ARMC2: variants seen among roughly 807,000 people sequenced by gnomAD.
ARMC2 encodes the protein armadillo repeat containing 2, also known as armadillo repeat-containing protein 2.
A neutral mutation model predicts 90.3 loss-of-function variants in ARMC2; 67 were observed. The ratio of observed to expected loss-of-function variants is 0.74; its 90% CI spans 0.61 to 0.91. The LOEUF is 0.91. ARMC2 is among the 40% of genes least tolerant of loss of function. The probability of loss-of-function intolerance (pLI) is 0.00; values close to 1 mark genes in which losing one functional copy is unlikely to be tolerated. For missense variants in ARMC2, 920 were observed against 1,030.9 expected (o/e 0.89, Z 1.47); for synonymous variants, 393 against 393.0 (o/e 1.00, Z 0.00).
intron 12 of ARMC2, among the ~76,000 whole-genome samples, chr6:108,951,976 G>A (rs1490587210): frequency 6.6e-6 from 1 of 152,224 alleles, no homozygotes; most frequent in Non-Finnish European, 1.5e-5. Flanking sequence ...CTAGAGTCTG[G>A]GTCACCCTGG....
At chr6:108,982,882 G>A in the ARMC2 span, among the ~76,000 whole-genome samples, 3 of 149,250 alleles carry the variant, frequency 2.0e-5, no homozygotes, top group Admixed American at 6.7e-5. Flanking sequence ...GTACGGTGGC[G>A]CGATCTCAGC....
In ARMC2 at chr6:108,962,132, G is replaced by A. The variant is rs779735721; in HGVS notation, c.2152+5G>A. ...ATTTCATTGTGCAGAACAATGGTGAGTTAATAACACTAGAATTCATAAACA... is the reference window on the plus strand; with the variant it reads ...ATTTCATTGTGCAGAACAATGGTGAATTAATAACACTAGAATTCATAAACA... On this transcript the variant is annotated splice_donor_5th_base_variant and intron_variant, in intron 15 of 17. Transcript: ENST00000392644. 11 of 1,585,254 alleles carry A rather than the reference G, an allele frequency of 6.9e-6. No individual in the cohort carries two copies. In the South Asian group the frequency reaches 9.1e-5, roughly 13 times the overall value.
At chr6:108,977,318 T>G (rs141861651), downstream of ARMC2, among the ~76,000 whole-genome samples, 83 of 152,378 alleles carry the variant, frequency 5.4e-4, 1 homozygote, top group African/African-American at 1.9e-3. Context: ...TTGCGTATGT[T>G]GAACCAGCCT....
chr6:109,052,836 A>G, the ARMC2 span, among the ~76,000 whole-genome samples: 1 of 152,178 alleles, frequency 6.6e-6, no homozygotes, highest in Non-Finnish European at 1.5e-5. Context: ...CACTCGACAA[A>G]TATTTATTGT....
intron 5 of ARMC2, among the ~76,000 whole-genome samples, chr6:108,889,645 G>A (rs1770748219): frequency 6.6e-6 from 1 of 151,284 alleles, no homozygotes; most frequent in African/African-American, 2.4e-5. Flanking sequence ...TTGCCATATT[G>A]CCCAGGCTGG....
At chr6:108,867,974 T>C (rs1775998521) in intron 3 of ARMC2, among the ~76,000 whole-genome samples, 1 of 152,024 alleles carries the variant, frequency 6.6e-6, no homozygotes, top group Non-Finnish European at 1.5e-5. Flanking sequence ...ACAAAACACT[T>C]TCATAAGTCC....
chr6:108,991,228 AGTGTGTGT>A, the ARMC2 span, among the ~76,000 whole-genome samples: 19 of 148,148 alleles, frequency 1.3e-4, no homozygotes, highest in African/African-American at 4.4e-4. Context: ...TCAAATTATG[AGTGTGTGT>A]GTGTGTGTGT....
downstream of ARMC2, among the ~76,000 whole-genome samples, chr6:108,975,424 AT>A (rs1201710398): frequency 1.3e-5 from 2 of 152,206 alleles, no homozygotes; most frequent in African/African-American, 4.8e-5. Flanking sequence ...ATTTGGGTTG[AT>A]TCCAAGTCTT....
intron 6 of ARMC2, among the ~76,000 whole-genome samples, chr6:108,897,976 G>T (rs1318994175): frequency 6.6e-6 from 1 of 152,134 alleles, no homozygotes; most frequent in Non-Finnish European, 1.5e-5. Context: ...AGAATAATAA[G>T]AATGCATTAG....
the ARMC2 span, chr6:109,002,473 G>A: frequency 7.7e-5 from 51 of 664,414 alleles, no homozygotes; most frequent in Non-Finnish European, 1.2e-4. Context: ...TTTCATGGCT[G>A]TATATACATA....
chr6:108,994,668 CT>C, the ARMC2 span: 1 of 671,690 alleles, frequency 1.5e-6, no homozygotes, highest in Non-Finnish European at 2.3e-6. Flanking sequence ...TATGAATTAT[CT>C]TTTAAGTCTG....
chr6:109,040,801 C>T, the ARMC2 span, among the ~76,000 whole-genome samples: 1 of 151,556 alleles, frequency 6.6e-6, no homozygotes, highest in East Asian at 2.0e-4. Flanking sequence ...TACAGGTGCA[C>T]GCGACCACGC....
chr6:109,015,923 A>G, the ARMC2 span, among the ~76,000 whole-genome samples: 1 of 152,334 alleles, frequency 6.6e-6, no homozygotes, highest in South Asian at 2.1e-4. Flanking sequence ...TAGTGCTTCT[A>G]TTTGTGCACA....
intron 10 of ARMC2, among the ~76,000 whole-genome samples, chr6:108,914,968 T>C (rs553051923): frequency 6.6e-6 from 1 of 152,100 alleles, no homozygotes; most frequent in South Asian, 2.1e-4. Flanking sequence ...TTTTTTCTTT[T>C]TGAGACAGAG....
chr6:109,029,133 T>C, the ARMC2 span, among the ~76,000 whole-genome samples: 7 of 152,296 alleles, frequency 4.6e-5, no homozygotes, highest in East Asian at 1.4e-3. Flanking sequence ...TTTGCAATAA[T>C]GTAAGCAGTA....
At chr6:108,849,260 AAAGC>A (rs1406476015) in intron 1 of ARMC2, among the ~76,000 whole-genome samples, 1 of 152,222 alleles carries the variant, frequency 6.6e-6, no homozygotes, top group Non-Finnish European at 1.5e-5. Context: ...ATTTGGTTGA[AAAGC>A]AAGCACCATT....
chr6:108,890,082 T>G lies in ARMC2; in HGVS notation c.672-4385T>G, dbSNP rs1300300668. ...GCGGGCGCCTGTAGTCCCAGCTACT[T>G]GGGAGGCTGAGGCAGGAGAATGGCG... On this transcript the variant is annotated intron_variant, in intron 5 of 17. Coordinates refer to ENST00000392644, the MANE Select transcript of ARMC2 (RefSeq NM_032131.6). Among the ~76,000 whole-genome samples, 2 of 145,642 alleles carry G rather than the reference T, an allele frequency of 1.4e-5. 1 individual carries two copies. The highest frequency in any genetic ancestry group is 4.4e-4 in the South Asian group (2 of 4,536).
chr6:108,953,772 C>CT (rs957626142), intron 13 of ARMC2, among the ~76,000 whole-genome samples: 1 of 151,980 alleles, frequency 6.6e-6, no homozygotes, highest in African/African-American at 2.4e-5. Context: ...AAATTAATTC[C>CT]TTTTTTTTCC....
the ARMC2 span, among the ~76,000 whole-genome samples, chr6:109,046,250 C>T: frequency 5.9e-5 from 9 of 151,422 alleles, no homozygotes; most frequent in Non-Finnish European, 1.0e-4. Flanking sequence ...CGCGCCGCCA[C>T]GCCTGACTGG....
Sources: gnomAD v4.1 joint callset for allele counts (sites outside exome capture counted in the v4.1 genomes callset) on GRCh38, gnomAD v4.1.1 for gene constraint, MANE v1.5 for transcripts, NCBI Gene and HGNC (gene_info 2026-07-23, HGNC 2026-07-21) for gene names.